Variants in ASCC1 observed in about 807,000 individuals in gnomAD.
ASCC1 encodes the protein ASC-1 complex subunit P50.
ASCC1 carries 35 observed loss-of-function variants against 46.6 expected under a neutral mutation model. That is an observed-to-expected ratio of 0.75 (90% CI 0.57 to 0.99). The LOEUF is 0.99. Among genes scored for constraint, ASCC1 ranks in the 50% least tolerant of loss-of-function variants. ASCC1 has a pLI of 0.00. For synonymous variants in ASCC1, 143 were observed against 146.6 expected (o/e 0.98, Z 0.18); for missense variants, 376 against 428.7 (o/e 0.88, Z 1.09).
intron 5 of ASCC1, among the ~76,000 whole-genome samples, chr10:72,171,778 T>C (rs1218471313): frequency 6.6e-6 from 1 of 152,236 alleles, no homozygotes; most frequent in African/African-American, 2.4e-5. Context: ...AAGTCTCTTT[T>C]GCCATAAAAG....
intron 8 of ASCC1, among the ~76,000 whole-genome samples, chr10:72,129,239 T>G (rs1401334720): frequency 1.3e-5 from 2 of 152,136 alleles, no homozygotes; most frequent in African/African-American, 4.8e-5. Context: ...AAAGAGAATG[T>G]GTGAAGTTGC....
chr10:72,117,052 C>T (rs112882396), intron 9 of ASCC1, among the ~76,000 whole-genome samples: 3,850 of 152,298 alleles, frequency 0.025, 187 homozygotes, highest in African/African-American at 0.088. Flanking sequence ...CCTGCCTCAG[C>T]CTCCCAAAGT....
At chr10:72,112,330 G>A (rs1843005321) in intron 9 of ASCC1, among the ~76,000 whole-genome samples, 1 of 152,116 alleles carries the variant, frequency 6.6e-6, no homozygotes, top group Non-Finnish European at 1.5e-5. Context: ...GACACAAAAG[G>A]ACAAATGTAC....
intron 3 of ASCC1, among the ~76,000 whole-genome samples, chr10:72,205,992 T>C (rs1204669096): frequency 1.3e-5 from 2 of 150,602 alleles, no homozygotes; most frequent in Non-Finnish European, 2.9e-5. Context: ...TAATGCCAGT[T>C]ACTCGGGAGG....
rs1331491824 is a variant in ASCC1, at chr10:72,128,176, AT to A, written c.872-10del. 6.2e-7 allele frequency: 1 copy of A among 1,605,756 alleles called. No individual in the cohort carries two copies. The highest frequency in any genetic ancestry group is 1.1e-5 in the South Asian group (1 of 90,902). ...ATTGTACCTGCCTTCAGCTGTAAAT[AT>A]TCCAAAGATAATGTTAGAAGCTTAG... On this transcript the variant is annotated splice_polypyrimidine_tract_variant and intron_variant, in intron 8 of 9. Coordinates refer to ENST00000672957, the MANE Select transcript of ASCC1 (RefSeq NM_001198800.3).
chr10:72,215,158 T>C (rs1359636091), intron 1 of ASCC1, among the ~76,000 whole-genome samples: 2 of 152,194 alleles, frequency 1.3e-5, no homozygotes, highest in African/African-American at 2.4e-5. Context: ...ATCCCAGCAC[T>C]TTAGGAGGCC....
At chr10:72,175,397 G>A (rs1048468173) in intron 5 of ASCC1, among the ~76,000 whole-genome samples, 6 of 152,132 alleles carry the variant, frequency 3.9e-5, no homozygotes, top group Admixed American at 1.3e-4. Context: ...AAGCAGCACT[G>A]GAAGCTAAAT....
At chr10:72,183,853 G>T (rs73274969) in intron 5 of ASCC1, among the ~76,000 whole-genome samples, 3,918 of 151,958 alleles carry the variant, frequency 0.026, 197 homozygotes, top group African/African-American at 0.09. Flanking sequence ...TGAACTATAA[G>T]AAATGTTAGG....
intron 6 of ASCC1, among the ~76,000 whole-genome samples, chr10:72,157,023 T>C (rs993417263): frequency 6.6e-6 from 1 of 152,090 alleles, no homozygotes; most frequent in African/African-American, 2.4e-5. Flanking sequence ...CCCAGGGTGG[T>C]CTCAAACTCC....
chr10:72,142,427 C>T (rs1185433109), intron 7 of ASCC1, among the ~76,000 whole-genome samples: 3 of 149,668 alleles, frequency 2.0e-5, no homozygotes, highest in Non-Finnish European at 3.0e-5. Context: ...AGTGCAGTGG[C>T]GTGATCTCAG....
intron 9 of ASCC1, among the ~76,000 whole-genome samples, chr10:72,126,714 T>C (rs756723798): frequency 4.6e-5 from 7 of 152,214 alleles, no homozygotes; most frequent in African/African-American, 1.4e-4. Flanking sequence ...AAGTAATTCA[T>C]TGTGATACTG....
chr10:72,170,326 C>T (rs1320022349), intron 5 of ASCC1, among the ~76,000 whole-genome samples: 1 of 152,100 alleles, frequency 6.6e-6, no homozygotes, highest in Admixed American at 6.5e-5. Flanking sequence ...ATGAGGGACA[C>T]TGTATACTCT....
chr10:72,115,278 G>T (rs997973268), intron 9 of ASCC1, among the ~76,000 whole-genome samples: 1 of 152,206 alleles, frequency 6.6e-6, no homozygotes, highest in Non-Finnish European at 1.5e-5. Flanking sequence ...CCTGCCAGGT[G>T]CAAGACACAT....
chr10:72,152,223 T>C (rs1273354795), intron 7 of ASCC1, among the ~76,000 whole-genome samples: 1 of 150,262 alleles, frequency 6.7e-6, no homozygotes, highest in East Asian at 2.0e-4. Flanking sequence ...GAGAGTTTCT[T>C]TCACTCTGTT....
intron 4 of ASCC1, 32 bp from the exon 5 acceptor site, chr10:72,197,021 A>T: frequency 6.2e-7 from 1 of 1,610,734 alleles, no homozygotes; most frequent in Non-Finnish European, 8.5e-7. Context: ...TAAACTGCTC[A>T]AGGACCCCCA....
intron 4 of ASCC1, among the ~76,000 whole-genome samples, chr10:72,199,735 CT>C (rs775022166): frequency 2.0e-5 from 3 of 152,016 alleles, no homozygotes; most frequent in Non-Finnish European, 4.4e-5. Context: ...TCTTTGTTTT[CT>C]GTTTTTTTGT....
intron 9 of ASCC1, among the ~76,000 whole-genome samples, chr10:72,109,187 G>C (rs1315679702): frequency 6.6e-6 from 1 of 152,186 alleles, no homozygotes; most frequent in Non-Finnish European, 1.5e-5. Flanking sequence ...GAAAGGTCAA[G>C]GGCAGTCTGT....
At chr10:72,216,894 G>T (rs1033664202), upstream of ASCC1, 4 of 456,114 alleles carry the variant, frequency 8.8e-6, no homozygotes, top group South Asian at 3.1e-5. Flanking sequence ...ACCTCCGGTG[G>T]GCCTGGCAAA....
chr10:72,189,324 C>A (rs12269440), intron 5 of ASCC1, among the ~76,000 whole-genome samples: 1 of 151,462 alleles, frequency 6.6e-6, no homozygotes, highest in South Asian at 2.1e-4. Flanking sequence ...AGGAGAATGG[C>A]GCAAACCTGG....
Sources: allele counts gnomAD v4.1 joint callset (sites outside exome capture counted in the v4.1 genomes callset), GRCh38; gene constraint gnomAD v4.1.1; transcripts MANE v1.5; gene names NCBI Gene and HGNC (gene_info 2026-07-23, HGNC 2026-07-21).